Variants in GVQW3 observed in about 807,000 individuals in gnomAD.
GVQW3 encodes GVQW motif containing 3, also known as protein GVQW3.
In GVQW3, 7 loss-of-function variants were observed where a neutral mutation model predicts 12.5. The ratio of observed to expected loss-of-function variants is 0.56; its 90% CI spans 0.32 to 1.05. GVQW3 has a LOEUF of 1.05. Among genes scored for constraint, GVQW3 ranks in the 50% least tolerant of loss-of-function variants. GVQW3 has a pLI of 0.04. For synonymous variants in GVQW3, 71 were observed against 67.2 expected (o/e 1.06, Z -0.28); for missense variants, 188 against 190.8 (o/e 0.99, Z 0.09).
chr11:76,388,416 A>G (rs1946857916), intron 1 of GVQW3, among the ~76,000 whole-genome samples: 1 of 152,072 alleles, frequency 6.6e-6, no homozygotes, highest in South Asian at 2.1e-4. Flanking sequence ...CTTTATTTAA[A>G]CTGATTTTCC....
intron 1 of GVQW3, among the ~76,000 whole-genome samples, chr11:76,385,376 G>A (rs774741931): frequency 1.3e-5 from 2 of 152,078 alleles, no homozygotes; most frequent in South Asian, 2.1e-4. Context: ...GCCCTGGCCT[G>A]CACCTTGCTG....
chr11:76,396,971 C>T (rs868578391), intron 1 of GVQW3, among the ~76,000 whole-genome samples: 35 of 150,566 alleles, frequency 2.3e-4, no homozygotes, highest in Middle Eastern at 3.5e-3. Flanking sequence ...TAAGGTTCAT[C>T]CACGTTGGAG....
intron 1 of GVQW3, among the ~76,000 whole-genome samples, chr11:76,386,740 A>C (rs1285214512): frequency 1.3e-5 from 2 of 152,324 alleles, no homozygotes; most frequent in African/African-American, 4.8e-5. Flanking sequence ...CAGCCCACCC[A>C]GATTTTACCA....
At chr11:76,386,606 A>G (rs1270477414) in intron 1 of GVQW3, among the ~76,000 whole-genome samples, 1 of 152,222 alleles carries the variant, frequency 6.6e-6, no homozygotes, top group East Asian at 1.9e-4. Context: ...CATCATCACC[A>G]GAGAGTTTCA....
chr11:76,412,562 T>A (rs1052905648), downstream of GVQW3: 3 of 152,212 alleles, frequency 2.0e-5, no homozygotes, highest in African/African-American at 7.2e-5. Context: ...AACTCAGGCA[T>A]AAATGTTGCT....
At chr11:76,398,439 G>C (rs1344330183) in intron 1 of GVQW3, among the ~76,000 whole-genome samples, 1 of 152,012 alleles carries the variant, frequency 6.6e-6, no homozygotes, top group Non-Finnish European at 1.5e-5. Context: ...AGCCTCCTGA[G>C]TATCTGGGAC....
At chr11:76,399,086 A>G (rs997671861) in intron 1 of GVQW3, among the ~76,000 whole-genome samples, 7 of 151,614 alleles carry the variant, frequency 4.6e-5, no homozygotes, top group Non-Finnish European at 1.0e-4. Flanking sequence ...GTATGTGACT[A>G]GTCATGTAAT....
rs1158199529 is a variant in GVQW3, at chr11:76,406,434, T to C, written c.*2676T>C. The C allele has an allele frequency of 1.3e-5, 2 of 152,262 alleles. No individual in the cohort carries two copies. Among genetic ancestry groups the C allele is most frequent in the African/African-American group, 4.8e-5 (2 of 41,456 alleles). The allele number at this position is 152,262 out of a possible 1,614,324, so 9.4% of individuals were successfully genotyped here. A position where few individuals can be genotyped will look rare whatever the true frequency, so the allele number is the denominator to read the frequency against. ...AGGCTAGAAGGTTCAGCCTTTATTC[T>C]GATGATGCCACTACTGCCCAGAACT... On this transcript the variant is annotated 3_prime_UTR_variant, in exon 2 of 2. Transcript: ENST00000529331.
intron 1 of GVQW3, among the ~76,000 whole-genome samples, chr11:76,397,167 C>A (rs190076072): frequency 1.5e-3 from 226 of 152,108 alleles, no homozygotes; most frequent in African/African-American, 5.3e-3. Flanking sequence ...CCACGCCCAG[C>A]TAATTTTTGT....
chr11:76,402,649 G>A (rs2134561676), intron 1 of GVQW3, among the ~76,000 whole-genome samples: 1 of 152,208 alleles, frequency 6.6e-6, no homozygotes, highest in Non-Finnish European at 1.5e-5. Flanking sequence ...TAGTGTAGCT[G>A]ATCATGTTTC....
Position 76,393,597 on chromosome 11 carries a change from C to A in GVQW3, c.466-10063C>A, listed in dbSNP as rs74611755. Among the ~76,000 whole-genome samples, 397 of 152,278 alleles carry A rather than the reference C, an allele frequency of 2.6e-3. 11 individuals are homozygous for A. The East Asian group carries it at 0.064, about 25-fold the overall frequency. The stretch of plus-strand genomic sequence containing the variant: ...TCTGCTGCCATCCACCTGGGAAACT[C>A]CCCTTTTGGACTCAAGCCTCAGCCT... On this transcript the variant is annotated intron_variant, in intron 1 of 1. Coordinates refer to ENST00000529331, the MANE Select transcript of GVQW3 (RefSeq NM_001347885.2).
chr11:76,401,205 A>C (rs1296940287), intron 1 of GVQW3, among the ~76,000 whole-genome samples: 1 of 151,784 alleles, frequency 6.6e-6, no homozygotes, highest in East Asian at 1.9e-4. Flanking sequence ...CTCTATTTTA[A>C]TCATCCTTAC....
At chr11:76,394,205 T>A (rs1260510534) in intron 1 of GVQW3, among the ~76,000 whole-genome samples, 1 of 152,180 alleles carries the variant, frequency 6.6e-6, no homozygotes, top group African/African-American at 2.4e-5. Flanking sequence ...CTTCCTTTAG[T>A]TATTTTTAGA....
At chr11:76,398,264 C>T (rs558718341) in intron 1 of GVQW3, among the ~76,000 whole-genome samples, 1 of 152,278 alleles carries the variant, frequency 6.6e-6, no homozygotes, top group Non-Finnish European at 1.5e-5. Context: ...TTGTATCCCA[C>T]ACCTTACATG....
At chr11:76,385,490 T>C (rs775043893) in intron 1 of GVQW3, among the ~76,000 whole-genome samples, 7 of 152,234 alleles carry the variant, frequency 4.6e-5, no homozygotes, top group Non-Finnish European at 1.0e-4. Flanking sequence ...CCTCTCAGTT[T>C]ATTCTTCACA....
chr11:76,396,871 A>G (rs916716177), intron 1 of GVQW3, among the ~76,000 whole-genome samples: 10 of 152,072 alleles, frequency 6.6e-5, no homozygotes, highest in African/African-American at 2.2e-4. Context: ...TTCTGTTTCT[A>G]TGGATTTGCC....
intron 1 of GVQW3, among the ~76,000 whole-genome samples, chr11:76,397,927 G>A (rs1302489722): frequency 6.6e-6 from 1 of 152,066 alleles, no homozygotes; most frequent in Non-Finnish European, 1.5e-5. Flanking sequence ...CTGAGGTCAG[G>A]AGTTTTGAGA....
At chr11:76,389,367 G>A (rs770008478) in intron 1 of GVQW3, among the ~76,000 whole-genome samples, 9 of 152,152 alleles carry the variant, frequency 5.9e-5, no homozygotes, top group Non-Finnish European at 1.0e-4. Flanking sequence ...AGCATCTAGA[G>A]CTGGCAGTGG....
At chr11:76,399,066 A>G (rs1180100303) in intron 1 of GVQW3, among the ~76,000 whole-genome samples, 1 of 152,082 alleles carries the variant, frequency 6.6e-6, no homozygotes, top group Non-Finnish European at 1.5e-5. Context: ...GTGGTTTTGC[A>G]GTTTAATCAG....
Sources: gnomAD v4.1 joint callset for allele counts (sites outside exome capture counted in the v4.1 genomes callset) on GRCh38, gnomAD v4.1.1 for gene constraint, MANE v1.5 for transcripts, NCBI Gene and HGNC (gene_info 2026-07-23, HGNC 2026-07-21) for gene names.